Variants in CSNK2A2IP observed in about 807,000 individuals in gnomAD.
CSNK2A2IP encodes casein kinase II subunit alpha'-interacting protein.
the CSNK2A2IP span, among the ~76,000 whole-genome samples, chr3:88,394,731 A>T: frequency 6.6e-6 from 1 of 152,158 alleles, no homozygotes; most frequent in Non-Finnish European, 1.5e-5. Flanking sequence ...CCATTTATTG[A>T]CTATATATTT....
chr3:88,457,072 C>G, the CSNK2A2IP span, among the ~76,000 whole-genome samples: 1 of 151,970 alleles, frequency 6.6e-6, no homozygotes, highest in African/African-American at 2.4e-5. Flanking sequence ...ACTTTAATAG[C>G]ATTTTACCAT....
the CSNK2A2IP span, among the ~76,000 whole-genome samples, chr3:88,443,805 C>T: frequency 1.1e-4 from 16 of 152,120 alleles, no homozygotes; most frequent in African/African-American, 3.6e-4. Flanking sequence ...TGAATAAATG[C>T]ATGTCTTTAT....
At chr3:88,398,994 T>C in the CSNK2A2IP span, among the ~76,000 whole-genome samples, 1 of 152,150 alleles carries the variant, frequency 6.6e-6, no homozygotes, top group East Asian at 1.9e-4. Flanking sequence ...ATCTTGGGTT[T>C]AAGGATACAA....
chr3:88,379,899 A>T, the CSNK2A2IP span, among the ~76,000 whole-genome samples: 2 of 152,226 alleles, frequency 1.3e-5, no homozygotes, highest in Admixed American at 6.6e-5. Context: ...TCTCATGCAG[A>T]TATCAAACAA....
At chr3:88,450,837 T>C in the CSNK2A2IP span, among the ~76,000 whole-genome samples, 24 of 152,146 alleles carry the variant, frequency 1.6e-4, no homozygotes, top group Non-Finnish European at 2.8e-4. Flanking sequence ...CTTTATGAGA[T>C]AGTGATTTCA....
chr3:88,412,605 T>A, the CSNK2A2IP span, among the ~76,000 whole-genome samples: 1 of 152,050 alleles, frequency 6.6e-6, no homozygotes, highest in East Asian at 1.9e-4. Context: ...CACAGTCTTG[T>A]GCCACTAGAC....
chr3:88,388,235 C>T, the CSNK2A2IP span, among the ~76,000 whole-genome samples: 1 of 152,162 alleles, frequency 6.6e-6, no homozygotes, highest in Non-Finnish European at 1.5e-5. Context: ...CAAAAACACT[C>T]ACATACTATT....
chr3:88,440,867 A>G, the CSNK2A2IP span, among the ~76,000 whole-genome samples: 1 of 152,184 alleles, frequency 6.6e-6, no homozygotes, highest in Non-Finnish European at 1.5e-5. Flanking sequence ...GCCAGGAAAT[A>G]GGCTGACCAG....
chr3:88,455,041 T>C, the CSNK2A2IP span, among the ~76,000 whole-genome samples: 3 of 151,964 alleles, frequency 2.0e-5, no homozygotes, highest in Admixed American at 2.0e-4. Context: ...GCCTTATCCA[T>C]GTTGTTGCAA....
At chr3:88,393,039 T>A in the CSNK2A2IP span, among the ~76,000 whole-genome samples, 8 of 152,146 alleles carry the variant, frequency 5.3e-5, no homozygotes, top group South Asian at 2.1e-4. Context: ...GCCCTTTGTA[T>A]CAGGAGGAAA....
At chr3:88,466,959 A>G in the CSNK2A2IP span, 4 of 1,231,330 alleles carry the variant, frequency 3.2e-6, no homozygotes, top group Non-Finnish European at 3.0e-6. Context: ...CTTGTCTCCC[A>G]TTCCCTATGA....
chr3:88,358,260 T>C, the CSNK2A2IP span, among the ~76,000 whole-genome samples: 1 of 143,088 alleles, frequency 7.0e-6, no homozygotes, highest in South Asian at 2.5e-4. Context: ...ATTTTCAAAA[T>C]ATAAAATCAT....
At chr3:88,387,254 T>G in the CSNK2A2IP span, among the ~76,000 whole-genome samples, 1 of 151,120 alleles carries the variant, frequency 6.6e-6, no homozygotes, top group Admixed American at 6.6e-5. Flanking sequence ...CTCCGCCTCC[T>G]GGGTTCAAGT....
the CSNK2A2IP span, among the ~76,000 whole-genome samples, chr3:88,464,707 G>T: frequency 1.3e-5 from 2 of 151,944 alleles, no homozygotes; most frequent in South Asian, 2.1e-4. Flanking sequence ...ATTTTTCTCT[G>T]AGTTTTTTTT....
the CSNK2A2IP span, among the ~76,000 whole-genome samples, chr3:88,347,572 A>G: frequency 6.6e-6 from 1 of 152,054 alleles, no homozygotes; most frequent in Non-Finnish European, 1.5e-5. Flanking sequence ...AGTGTTTTAG[A>G]TGAAAGTATG....
the CSNK2A2IP span, among the ~76,000 whole-genome samples, chr3:88,349,706 T>A: frequency 1.3e-5 from 2 of 152,128 alleles, no homozygotes; most frequent in Non-Finnish European, 2.9e-5. Context: ...TTAATGAGTC[T>A]CCATACTGTT....
At chr3:88,399,047 GACAA>G in the CSNK2A2IP span, among the ~76,000 whole-genome samples, 19 of 151,964 alleles carry the variant, frequency 1.3e-4, no homozygotes, top group South Asian at 2.1e-4. Context: ...AGAGAATAAA[GACAA>G]ACAAAAAGAT....
the CSNK2A2IP span, among the ~76,000 whole-genome samples, chr3:88,441,566 A>G: frequency 1.3e-5 from 2 of 152,158 alleles, no homozygotes; most frequent in Non-Finnish European, 2.9e-5. Flanking sequence ...TTCAGTTACA[A>G]TAGCTTGGTA....
At chr3:88,446,044 TTCTTTCTTTCTTTC>T in the CSNK2A2IP span, among the ~76,000 whole-genome samples, 1 of 55,194 alleles carries the variant, frequency 1.8e-5, no homozygotes, top group African/African-American at 5.9e-5. Flanking sequence ...CTTTCTTTCT[TTCTTTCTTTCTTTC>T]TTTCTTTCTT....
Sources: allele counts gnomAD v4.1 joint callset (sites outside exome capture counted in the v4.1 genomes callset), GRCh38; gene constraint gnomAD v4.1.1; transcripts MANE v1.5; gene names NCBI Gene and HGNC (gene_info 2026-07-23, HGNC 2026-07-21).